MOB1B: variants seen among roughly 807,000 people sequenced by gnomAD.
MOB1B encodes MOB1 Mps One Binder homolog B.
MOB1B carries 19 observed loss-of-function variants against 24.4 expected under a neutral mutation model. The observed-to-expected ratio is 0.78, with a 90% CI of 0.54 to 1.14. The LOEUF (loss-of-function observed/expected upper bound fraction) is 1.14. Ranked by LOEUF, MOB1B falls within the 50% of genes most tolerant of loss-of-function variation. MOB1B has a pLI of 0.00. For synonymous variants in MOB1B, 76 were observed against 82.1 expected (o/e 0.93, Z 0.40); for missense variants, 243 against 259.6 (o/e 0.94, Z 0.44).
Position 70,902,419 on chromosome 4 carries a change from C to G in MOB1B, c.-118C>G, listed in dbSNP as rs1735545383. The G allele has an allele frequency of 8.7e-7, 1 of 1,146,996 alleles. No homozygotes were observed. The highest frequency in any genetic ancestry group is 1.3e-6 in the Non-Finnish European group (1 of 780,976). The allele number at this position is 1,146,996 out of a possible 1,614,324, so 71.1% of individuals were successfully genotyped here. Reference sequence around the variant, plus strand: ...TTGCGGCCACCGAGCAGCCGGCTCTCGGCACCTCCTCCTCCGCCTCCCTGT... The same window carrying G: ...TTGCGGCCACCGAGCAGCCGGCTCTGGGCACCTCCTCCTCCGCCTCCCTGT... On this transcript the variant is annotated 5_prime_UTR_variant, in exon 1 of 6. Coordinates refer to ENST00000309395, the MANE Select transcript of MOB1B (RefSeq NM_173468.4).
intron 1 of MOB1B, among the ~76,000 whole-genome samples, chr4:70,915,600 G>A (rs1390476091): frequency 6.6e-6 from 1 of 152,198 alleles, no homozygotes; most frequent in East Asian, 1.9e-4. Flanking sequence ...CCCATGGAGA[G>A]GATATTTCCT....
chr4:70,915,493 T>C (rs1430312605), intron 1 of MOB1B, among the ~76,000 whole-genome samples: 1 of 152,108 alleles, frequency 6.6e-6, no homozygotes, highest in Non-Finnish European at 1.5e-5. Context: ...GTAAGGGAGG[T>C]TAAATACTTT....
At chr4:70,934,148 G>C (rs866574613) in intron 1 of MOB1B, among the ~76,000 whole-genome samples, 1 of 152,088 alleles carries the variant, frequency 6.6e-6, no homozygotes, top group African/African-American at 2.4e-5. Flanking sequence ...GCAGTGGCAC[G>C]ATCTCTGCTC....
chr4:70,985,365 T>G lies in MOB1B; in HGVS notation c.*3308T>G, dbSNP rs1739345349. The G allele has an allele frequency of 6.6e-6, 1 of 152,180 alleles. No homozygotes were observed. Among genetic ancestry groups the G allele is most frequent in the African/African-American group, 2.4e-5 (1 of 41,440 alleles). 9.4% of individuals were successfully genotyped at this position (152,180 alleles called of 1,614,324 possible). On this transcript the variant is annotated 3_prime_UTR_variant, in exon 6 of 6. Transcript: ENST00000309395. ...GAGTGGTTCTTTTGGGAGCACTGTT[T>G]ATTCCAGCTATACTGCAAAAGTATA...
chr4:70,908,213 A>G (rs1186139994), intron 1 of MOB1B, among the ~76,000 whole-genome samples: 3 of 150,796 alleles, frequency 2.0e-5, no homozygotes. Context: ...TATTTTTAGT[A>G]GAGACAGGGT....
chr4:70,906,424 A>G (rs1453825008), intron 1 of MOB1B, among the ~76,000 whole-genome samples: 1 of 152,104 alleles, frequency 6.6e-6, no homozygotes, highest in Non-Finnish European at 1.5e-5. Context: ...GATGTTGGGC[A>G]CCATTTGTGA....
intron 3 of MOB1B, among the ~76,000 whole-genome samples, chr4:70,971,639 C>A (rs1317221754): frequency 6.6e-6 from 1 of 152,080 alleles, no homozygotes; most frequent in Non-Finnish European, 1.5e-5. Flanking sequence ...GAAATGAAAT[C>A]AGTCCCCCTT....
intron 1 of MOB1B, among the ~76,000 whole-genome samples, chr4:70,936,429 TG>T (rs1282406971): frequency 7.9e-5 from 12 of 152,184 alleles, no homozygotes; most frequent in African/African-American, 4.8e-5. Context: ...AGGCTGGTCT[TG>T]AACTCCTGGC....
At chr4:70,913,549 C>T (rs1385860330) in intron 1 of MOB1B, among the ~76,000 whole-genome samples, 1 of 152,014 alleles carries the variant, frequency 6.6e-6, no homozygotes, top group Non-Finnish European at 1.5e-5. Flanking sequence ...CCTTGGCCTC[C>T]CGAAGTGCTG....
intron 1 of MOB1B, among the ~76,000 whole-genome samples, chr4:70,910,676 A>G (rs1735945291): frequency 6.6e-6 from 1 of 152,132 alleles, no homozygotes; most frequent in Non-Finnish European, 1.5e-5. Flanking sequence ...AAAATAATAT[A>G]CATGTTGGAG....
At chr4:70,927,074 A>G (rs550539098) in intron 1 of MOB1B, among the ~76,000 whole-genome samples, 50 of 152,146 alleles carry the variant, frequency 3.3e-4, no homozygotes, top group African/African-American at 1.2e-3. Flanking sequence ...AGCGTGTTAC[A>G]TAGATGTGCT....
chr4:70,970,071 G>T, intron 3 of MOB1B, 47 bp downstream of exon 3: 1 of 1,159,668 alleles, frequency 8.6e-7, no homozygotes, highest in Non-Finnish European at 1.2e-6. Context: ...ATTATTTTAC[G>T]GTTCTTAAAG....
chr4:70,972,703 A>G (rs929237480), intron 3 of MOB1B, among the ~76,000 whole-genome samples: 1 of 152,238 alleles, frequency 6.6e-6, no homozygotes, highest in African/African-American at 2.4e-5. Flanking sequence ...ACACGATGAA[A>G]GAAAAGAGAT....
At chr4:70,921,448 ATTTC>A (rs1158897036) in intron 1 of MOB1B, among the ~76,000 whole-genome samples, 2 of 138,944 alleles carry the variant, frequency 1.4e-5, no homozygotes, top group East Asian at 2.3e-4. Flanking sequence ...CTGCTGATGG[ATTTC>A]TTTCTTTCTT....
intron 1 of MOB1B, among the ~76,000 whole-genome samples, chr4:70,934,444 A>G (rs1282911468): frequency 6.6e-6 from 1 of 151,414 alleles, no homozygotes; most frequent in African/African-American, 2.4e-5. Flanking sequence ...TGAGCCAAGT[A>G]CTGGAATATA....
At chr4:70,915,666 C>T (rs1736166390) in intron 1 of MOB1B, among the ~76,000 whole-genome samples, 1 of 152,076 alleles carries the variant, frequency 6.6e-6, no homozygotes, top group African/African-American at 2.4e-5. Flanking sequence ...CCCTATTTTC[C>T]TACCTCATCT....
intron 1 of MOB1B, chr4:70,950,927 A>G: frequency 1.5e-6 from 1 of 657,954 alleles, no homozygotes. Flanking sequence ...GCTGAGACTC[A>G]GTAACAGTAA....
Position 70,979,191 on chromosome 4 carries a change from T to G in MOB1B, c.473T>G (p.Val158Gly). The change falls in exon 5 of 6, where the codon GTT becomes GGT. Residue 158 changes from valine to glycine, a missense_variant. Coordinates refer to ENST00000309395, the MANE Select transcript of MOB1B (RefSeq NM_173468.4). ...AKTILKRLFR[V>G]YAHIYHQHFD... ...ACTATACTCAAACGCCTCTTTAGGG[T>G]TTATGCTCACATTTATCATCAGCAT... 6.2e-7 allele frequency: 1 copy of G among 1,613,828 alleles called. No homozygotes were observed. Among genetic ancestry groups the G allele is most frequent in the Non-Finnish European group, 8.5e-7 (1 of 1,179,794 alleles).
At position 70,902,482 on chromosome 4, in the gene MOB1B, C is replaced by G. The variant is rs1056875532; in HGVS notation, c.-55C>G. ...TCGCCTTTCCTCTTCTTTCCTGGCC[C>G]ACGCCGCTCCGAGGCCTCGCGACCG... On this transcript the variant is annotated 5_prime_UTR_variant, in exon 1 of 6. Coordinates refer to ENST00000309395, the MANE Select transcript of MOB1B (RefSeq NM_173468.4). 6.5e-7 allele frequency: 1 copy of G among 1,546,762 alleles called. No homozygotes were observed. Among genetic ancestry groups the G allele is most frequent in the South Asian group, 1.2e-5 (1 of 84,122 alleles).
Sources: gnomAD v4.1 joint callset for allele counts (sites outside exome capture counted in the v4.1 genomes callset) on GRCh38, gnomAD v4.1.1 for gene constraint, MANE v1.5 for transcripts, NCBI Gene and HGNC (gene_info 2026-07-23, HGNC 2026-07-21) for gene names.